BCL9L: variants seen among roughly 807,000 people sequenced by gnomAD.
BCL9L encodes BCL9 like.
In BCL9L, 19 loss-of-function variants were observed where a neutral mutation model predicts 99.4. The observed-to-expected ratio is 0.19, with a 90% CI of 0.13 to 0.28. The LOEUF (loss-of-function observed/expected upper bound fraction) is 0.28, where lower values mean the gene tolerates loss of function less well. BCL9L is among the 10% of genes least tolerant of loss of function. The pLI, the probability that BCL9L is intolerant of heterozygous loss-of-function variation, is 1.00. For missense variants in BCL9L, 2,023 were observed against 2,101.6 expected, an observed-to-expected ratio of 0.96 and a Z score of 0.73; for synonymous variants, 900 against 854.8, an observed-to-expected ratio of 1.05 and a Z score of -0.92.
chr11:118,901,979 A>G lies in BCL9L; in HGVS notation c.1764T>C (p.Asp588=). Residue 588 remains aspartate, a synonymous_variant, in exon 8 of 10, where the codon GAT becomes GAC. Coordinates refer to ENST00000683865, the MANE Select transcript of BCL9L (RefSeq NM_001378213.1). This position sits in a 1 kb window ranked among gnomAD's most constrained non-coding sequence, Gnocchi z 6.6. ...AQLRGPMDVQ[D]PMQLRGGPPF... ...GAGGTCCGCCCCGGAGCTGCATGGG[A>G]TCTTGAACATCCATGGGCCCCCGCA... The G allele has an allele frequency of 6.2e-7, 1 of 1,613,030 alleles. No homozygotes were observed. The highest frequency in any genetic ancestry group is 8.5e-7 in the Non-Finnish European group (1 of 1,179,772).
rs183875077 is a variant in BCL9L, at chr11:118,903,888, T to G, written c.533-436A>C. Among the ~76,000 whole-genome samples the G allele has an allele frequency of 3.3e-5, 5 of 152,334 alleles. No individual in the cohort carries two copies. Among genetic ancestry groups the G allele is most frequent in the Admixed American group, 3.3e-4 (5 of 15,298 alleles). On this transcript the variant is annotated intron_variant, in intron 5 of 9. Coordinates refer to ENST00000683865, the MANE Select transcript of BCL9L (RefSeq NM_001378213.1). This position sits in a 1 kb window ranked among gnomAD's most constrained non-coding sequence, Gnocchi z 5.6. The stretch of plus-strand genomic sequence containing the variant: ...GCCCCTCTCACTGGGTAAGTGTATG[T>G]GCACACAGTCTAGTGACCCAGTTAG...
At position 118,914,683 on chromosome 11, in the gene BCL9L, C is replaced by G. The variant is rs935769823; in HGVS notation, c.-77+4143G>C. Reference sequence around the variant, plus strand: ...TCCTGGCACCCTCAGGCAAGAAAGGCTTAGGGGATTGTGAGAGCAGTGACA... The same window carrying G: ...TCCTGGCACCCTCAGGCAAGAAAGGGTTAGGGGATTGTGAGAGCAGTGACA... On this transcript the variant is annotated intron_variant, in intron 2 of 9. Transcript: ENST00000683865. The surrounding 1 kb of genome is among the most constrained non-coding windows in gnomAD (Gnocchi z 4.4). 6.6e-6 allele frequency among the ~76,000 whole-genome samples: 1 copy of G among 152,140 alleles called. No homozygotes were observed. The highest frequency in any genetic ancestry group is 1.5e-5 in the Non-Finnish European group (1 of 68,020).
At chr11:118,906,411 G>T (rs1940521256) in intron 5 of BCL9L, among the ~76,000 whole-genome samples, 1 of 152,124 alleles carries the variant, frequency 6.6e-6, no homozygotes, top group Admixed American at 6.5e-5. Flanking sequence ...GTTCCAGCTA[G>T]CTGTAGAGGT....
chr11:118,906,472 A>G (rs559770156), intron 5 of BCL9L, among the ~76,000 whole-genome samples: 12 of 152,310 alleles, frequency 7.9e-5, no homozygotes, highest in African/African-American at 2.9e-4. Context: ...TGCTCACTCC[A>G]TAACATTTGC....
intron 2 of BCL9L, among the ~76,000 whole-genome samples, chr11:118,915,964 C>T (rs1344408268): frequency 2.0e-5 from 3 of 152,190 alleles, no homozygotes; most frequent in African/African-American, 4.8e-5. Flanking sequence ...ACCCACTGAT[C>T]GGAACCCTCC....
In BCL9L at chr11:118,900,814, G is replaced by A. The variant is rs1940191308; in HGVS notation, c.2929C>T (p.Gln977Ter). 1 of 1,613,788 alleles carries A rather than the reference G, an allele frequency of 6.2e-7. No homozygotes were observed. The highest frequency in any genetic ancestry group is 8.5e-7 in the Non-Finnish European group (1 of 1,179,936). ...ANPPGPLKSP[Q>*]VLGSSLSVRS... ...ACACTGAGGGAGGAGCCGAGGACCTGGGGCGACTTGAGAGGTCCTGGCGGG... is the reference window on the plus strand; with the variant it reads ...ACACTGAGGGAGGAGCCGAGGACCTAGGGCGACTTGAGAGGTCCTGGCGGG... Residue 977 changes from glutamine (Q) to a stop codon, truncating the protein, a stop_gained, in exon 8 of 10, where the codon CAG (glutamine) becomes TAG (stop). Transcript: ENST00000683865. LOFTEE classifies it high-confidence loss of function. The surrounding 1 kb of genome is among the most constrained non-coding windows in gnomAD (Gnocchi z 5.3).
At chr11:118,918,271 G>A (rs115717851) in intron 2 of BCL9L, among the ~76,000 whole-genome samples, 2,186 of 152,274 alleles carry the variant, frequency 0.014, 58 homozygotes, top group African/African-American at 0.05. Context: ...GGCTGTGTGT[G>A]TGTGTGTGTG....
In BCL9L at chr11:118,898,403, T is replaced by C. The variant is rs1940017368; in HGVS notation, c.*12A>G. On this transcript the variant is annotated 3_prime_UTR_variant, in exon 10 of 10. Transcript: ENST00000683865. ...TGCAACATTGCCCCGGCTCCAGCCC[T>C]GGCAGCGACTTCTAGAAGGGCAGGT... 2 of 1,528,736 alleles carry C rather than the reference T, an allele frequency of 1.3e-6. No homozygotes were observed. Among genetic ancestry groups the C allele is most frequent in the Non-Finnish European group, 1.8e-6 (2 of 1,125,582 alleles). The allele number at this position is 1,528,736 out of a possible 1,614,324, so 94.7% of individuals were successfully genotyped here. A position where few individuals can be genotyped will look rare whatever the true frequency, so the allele number is the denominator to read the frequency against.
Position 118,900,455 on chromosome 11 carries a change from CCT to C in BCL9L, c.3124+162_3124+163del, listed in dbSNP as rs753458847. The stretch of plus-strand genomic sequence containing the variant: ...TGCCTGGGAGACTCACGTGGTACCC[CCT>C]GAGAAAGCCCACAAATGTCATCATC... On this transcript the variant is annotated intron_variant, in intron 8 of 9. Transcript: ENST00000683865. The surrounding 1 kb of genome is among the most constrained non-coding windows in gnomAD (Gnocchi z 5.3). 8.5e-5 allele frequency among the ~76,000 whole-genome samples: 13 copies of C among 152,138 alleles called. No homozygotes were observed. Among genetic ancestry groups the C allele is most frequent in the Non-Finnish European group, 1.9e-4 (13 of 68,022 alleles).
At chr11:118,909,843 C>G (rs1221430938) in intron 3 of BCL9L, 71 bp downstream of exon 3, 3 of 1,611,718 alleles carry the variant, frequency 1.9e-6, no homozygotes, top group Non-Finnish European at 2.5e-6. Flanking sequence ...AGCTTGGGCC[C>G]CATCACCACT....
rs988990330 is a variant in BCL9L at position 118,897,199 on chromosome 11, A to C, written c.*1216T>G. The stretch of plus-strand genomic sequence containing the variant: ...GAACTGTTCTCCCCCTTCTTTGATA[A>C]GAAGTAGGTGGCAGCAGCCTCTGGA... On this transcript the variant is annotated 3_prime_UTR_variant, in exon 10 of 10. Coordinates refer to ENST00000683865, the MANE Select transcript of BCL9L (RefSeq NM_001378213.1). 1.2e-4 allele frequency: 18 copies of C among 154,498 alleles called. No individual in the cohort carries two copies. The highest frequency in any genetic ancestry group is 4.1e-4 in the African/African-American group (17 of 41,410). The allele number at this position is 154,498 out of a possible 1,614,324, so 9.6% of individuals were successfully genotyped here.
intron 1 of BCL9L, among the ~76,000 whole-genome samples, chr11:118,920,425 G>C (rs1202879112): frequency 3.3e-5 from 5 of 152,160 alleles, no homozygotes; most frequent in Non-Finnish European, 5.9e-5. Context: ...CCAGATGCCT[G>C]GATTCCAGAC....
intron 3 of BCL9L, 65 bp downstream of exon 3, chr11:118,909,849 C>G (rs1940704989): frequency 1.7e-5 from 27 of 1,612,200 alleles, no homozygotes; most frequent in Non-Finnish European, 2.3e-5. Flanking sequence ...GGCCCCATCA[C>G]CACTGGGCCC....
Position 118,900,241 on chromosome 11 carries a change from G to A in BCL9L, c.3125-43C>T. 1.3e-6 allele frequency: 2 copies of A among 1,526,174 alleles called. No homozygotes were observed. Among genetic ancestry groups the A allele is most frequent in the South Asian group, 1.3e-5 (1 of 79,972 alleles). 94.5% of individuals were successfully genotyped at this position (1,526,174 alleles called of 1,614,324 possible). A position where few individuals can be genotyped will look rare whatever the true frequency, so the allele number is the denominator to read the frequency against. ...CAAAGAGAGCAGGGGTGACTGGGGA[G>A]GGGCAGATGAGTTTGGCTGTGGATA... On this transcript the variant is annotated intron_variant, in intron 8 of 9. Coordinates refer to ENST00000683865, the MANE Select transcript of BCL9L (RefSeq NM_001378213.1). This position sits in a 1 kb window ranked among gnomAD's most constrained non-coding sequence, Gnocchi z 5.3.
chr11:118,900,176 G>A lies in BCL9L; in HGVS notation c.3147C>T (p.Pro1049=). The stretch of plus-strand genomic sequence containing the variant: ...CGGGAGGTGCTGAGGAGCTGCTCCG[G>A]GGGCCGCTAGGCGGGAGGGTACCTA... The part of the protein sequence containing the change: ...MEQGTLPPSG[P]RSSSSAPPAN... The change falls in exon 9 of 10, where the codon CCC becomes CCT. Residue 1049 remains proline (P), a synonymous_variant. Coordinates refer to ENST00000683865, the MANE Select transcript of BCL9L (RefSeq NM_001378213.1). The surrounding 1 kb of genome is among the most constrained non-coding windows in gnomAD (Gnocchi z 5.3). 1 of 1,605,964 alleles carries A rather than the reference G, an allele frequency of 6.2e-7. No homozygotes were observed. Among genetic ancestry groups the A allele is most frequent in the Non-Finnish European group, 8.5e-7 (1 of 1,174,366 alleles).
rs750802015 is a variant in BCL9L at position 118,902,314 on chromosome 11, G to C, written c.1429C>G (p.Gln477Glu). ...TCCAGCGGGGGGCCCCCTAGGCTCT[G>C]TGTCTGTGAAATCATGGACTGCAAG... ...EPLQSMISQT[Q>E]SLGGPPLEHE... Residue 477 changes from glutamine (Q) to glutamate (E), a missense_variant, in exon 8 of 10, where the codon CAG becomes GAG. By Grantham distance (29) the Gln-to-Glu change is conservative. Coordinates refer to ENST00000683865, the MANE Select transcript of BCL9L (RefSeq NM_001378213.1). The surrounding 1 kb of genome is among the most constrained non-coding windows in gnomAD (Gnocchi z 7.8). 5 of 1,560,072 alleles carry C rather than the reference G, an allele frequency of 3.2e-6. 1 individual carries two copies. In the South Asian group the frequency reaches 6.1e-5, roughly 19 times the overall value.
In BCL9L at chr11:118,901,173, T is replaced by G. The variant is rs1940213728; in HGVS notation, c.2570A>C (p.Gln857Pro). 1.2e-6 allele frequency: 2 copies of G among 1,613,904 alleles called. No homozygotes were observed. Among genetic ancestry groups the G allele is most frequent in the Admixed American group, 3.3e-5 (2 of 60,002 alleles). ...ATTGCCCATGTCCTGGGACATGGCT[T>G]GGTAGGGTCCCTGGCCTCCAGAGAA... ...QGFSGGQGPY[Q>P]AMSQDMGNTQ... The change falls in exon 8 of 10, where the codon CAA becomes CCA. Residue 857 changes from glutamine (Q) to proline (P), a missense_variant. By Grantham distance (76) the Gln-to-Pro change is moderately conservative. Transcript: ENST00000683865. This position sits in a 1 kb window ranked among gnomAD's most constrained non-coding sequence, Gnocchi z 6.6.
intron 9 of BCL9L, 34 bp from the exon 10 acceptor site, chr11:118,899,542 G>C (rs1188638365): frequency 6.3e-7 from 1 of 1,599,302 alleles, no homozygotes; most frequent in African/African-American, 1.3e-5. Flanking sequence ...GTCAGGCACG[G>C]TGTGCCCAGC....
chr11:118,898,485 C>G lies in BCL9L; in HGVS notation c.4430G>C (p.Arg1477Pro). Reference protein sequence around the residue: ...NLMVSHPLRQRSVSLDSQMGY... With the variant: ...NLMVSHPLRQPSVSLDSQMGY... ...CATCTGGCTGTCCAGGGACACACTG[C>G]GCTGCCGAAGGGGGTGGGACACCAT... Residue 1477 changes from arginine to proline, a missense_variant, in exon 10 of 10, where the codon CGC becomes CCC. Around this residue, in one of 3 missense-constraint regions of BCL9L, gnomAD observed 902 missense variants for 888.2 expected, o/e 1.02. Transcript: ENST00000683865. The G allele has an allele frequency of 1.2e-6, 2 of 1,603,832 alleles. No homozygotes were observed. Among genetic ancestry groups the G allele is most frequent in the Non-Finnish European group, 1.7e-6 (2 of 1,172,654 alleles).
Sources: allele counts gnomAD v4.1 joint callset (sites outside exome capture counted in the v4.1 genomes callset), GRCh38; gene constraint gnomAD v4.1.1; regional missense constraint gnomAD v4.1.1; non-coding constraint Gnocchi (gnomAD v3.1); transcripts MANE v1.5; gene names NCBI Gene and HGNC (gene_info 2026-07-23, HGNC 2026-07-21).